TTC29: variants seen among roughly 807,000 people sequenced by gnomAD.
TTC29 encodes the protein tetratricopeptide repeat domain 29.
A neutral mutation model predicts 58.1 loss-of-function variants in TTC29; 49 were observed. The observed-to-expected ratio is 0.84, with a 90% CI of 0.67 to 1.07. The LOEUF is 1.07. Ranked by LOEUF, TTC29 falls within the 50% of genes least tolerant of loss-of-function variation. TTC29 has a pLI of 0.00. For missense variants in TTC29, 582 were observed against 555.6 expected (o/e 1.05, Z -0.48); for synonymous variants, 209 against 196.8 (o/e 1.06, Z -0.52).
At chr4:146,773,889 C>T (rs559312384) in intron 11 of TTC29, among the ~76,000 whole-genome samples, 1 of 151,596 alleles carries the variant, frequency 6.6e-6, no homozygotes, top group East Asian at 1.9e-4. Flanking sequence ...TCTTCTTATT[C>T]ATAGGCTTTT....
rs186365264 is a variant in TTC29, at chr4:146,837,512, A to G, written c.886-3615T>C. ...GAACTTAAAAGTTTTTTAAAAAGAT[A>G]CAGATGTTTTATACTGTTTTATAGT... On this transcript the variant is annotated intron_variant, in intron 8 of 12. Coordinates refer to ENST00000325106, the MANE Select transcript of TTC29 (RefSeq NM_031956.4). Among the ~76,000 whole-genome samples, 4 of 152,260 alleles carry G rather than the reference A, an allele frequency of 2.6e-5. No individual in the cohort carries two copies. The East Asian group carries it at 7.7e-4, about 29-fold the overall frequency.
chr4:146,747,395 A>G (rs1745627677), intron 11 of TTC29, among the ~76,000 whole-genome samples: 1 of 152,162 alleles, frequency 6.6e-6, no homozygotes, highest in Non-Finnish European at 1.5e-5. Context: ...GTAGCATGCC[A>G]TCCTCAATCA....
intron 11 of TTC29, among the ~76,000 whole-genome samples, chr4:146,778,829 AG>A (rs1748321406): frequency 6.6e-6 from 1 of 151,982 alleles, no homozygotes; most frequent in African/African-American, 2.4e-5. Flanking sequence ...AAAAGGAAGA[AG>A]GCAGTGAGGG....
intron 11 of TTC29, among the ~76,000 whole-genome samples, chr4:146,752,697 A>C (rs71616508): frequency 0.23 from 35,550 of 151,962 alleles, 4,734 homozygotes; most frequent in East Asian, 0.38. Context: ...CTGGTACCAA[A>C]ACAGAGATAT....
At chr4:146,742,922 A>C (rs1745269969) in intron 11 of TTC29, among the ~76,000 whole-genome samples, 2 of 152,098 alleles carry the variant, frequency 1.3e-5, no homozygotes, top group African/African-American at 4.8e-5. Flanking sequence ...TTTCAATGGA[A>C]ATATAAAACA....
chr4:146,902,238 G>A (rs1273243700), intron 6 of TTC29, among the ~76,000 whole-genome samples: 1 of 152,000 alleles, frequency 6.6e-6, no homozygotes, highest in Non-Finnish European at 1.5e-5. Context: ...TCCGTGTACA[G>A]AAGCTTAAGT....
chr4:146,764,937 A>G (rs1349719352), intron 11 of TTC29, among the ~76,000 whole-genome samples: 1 of 152,114 alleles, frequency 6.6e-6, no homozygotes, highest in Non-Finnish European at 1.5e-5. Flanking sequence ...GATGATCATC[A>G]GTTTGCTGAT....
At chr4:146,749,877 TG>T (rs1295043219) in intron 11 of TTC29, among the ~76,000 whole-genome samples, 1 of 152,044 alleles carries the variant, frequency 6.6e-6, no homozygotes, top group East Asian at 1.9e-4. Flanking sequence ...CAGGAGAGAA[TG>T]GGATGATATA....
At chr4:146,718,654 A>G (rs1481740955) in intron 11 of TTC29, among the ~76,000 whole-genome samples, 1 of 152,048 alleles carries the variant, frequency 6.6e-6, no homozygotes, top group Non-Finnish European at 1.5e-5. Flanking sequence ...CTTCCAATGC[A>G]TAGGTTTTCT....
At chr4:146,822,839 A>G (rs1236552355) in intron 9 of TTC29, among the ~76,000 whole-genome samples, 1 of 152,092 alleles carries the variant, frequency 6.6e-6, no homozygotes, top group African/African-American at 2.4e-5. Flanking sequence ...TTTGATTTGC[A>G]TTTCTCTGAA....
At chr4:146,880,523 T>C (rs904659786) in intron 6 of TTC29, among the ~76,000 whole-genome samples, 1 of 152,136 alleles carries the variant, frequency 6.6e-6, no homozygotes, top group Non-Finnish European at 1.5e-5. Context: ...AATAAGATTT[T>C]ATATAGTTGG....
intron 3 of TTC29, among the ~76,000 whole-genome samples, chr4:146,938,171 T>C (rs1334143946): frequency 6.6e-6 from 1 of 152,144 alleles, no homozygotes; most frequent in Non-Finnish European, 1.5e-5. Context: ...AGGTTCAAGG[T>C]GCAAAATGAT....
At chr4:146,719,511 G>A (rs1743199971) in intron 11 of TTC29, among the ~76,000 whole-genome samples, 1 of 152,114 alleles carries the variant, frequency 6.6e-6, no homozygotes. Context: ...AACCTCTTAG[G>A]CAAGTGTATA....
intron 12 of TTC29, 45 bp from the exon 13 acceptor site, chr4:146,707,233 A>C: frequency 7.8e-7 from 1 of 1,278,970 alleles, no homozygotes; most frequent in Non-Finnish European, 1.1e-6. Flanking sequence ...ACTGGGCTAG[A>C]AAGCAAAGAA....
chr4:146,801,200 G>A (rs1397635044), intron 11 of TTC29, among the ~76,000 whole-genome samples: 1 of 152,144 alleles, frequency 6.6e-6, no homozygotes, highest in Admixed American at 6.5e-5. Context: ...CAGAGATGGT[G>A]TTAAGAGTTG....
intron 8 of TTC29, among the ~76,000 whole-genome samples, chr4:146,860,393 TTAA>T (rs1730149124): frequency 2.0e-5 from 3 of 152,206 alleles, no homozygotes; most frequent in Admixed American, 2.0e-4. Context: ...TCTTCCATTG[TTAA>T]TAAATATATA....
chr4:146,900,012 C>T (rs921923410), intron 6 of TTC29, among the ~76,000 whole-genome samples: 1 of 152,176 alleles, frequency 6.6e-6, no homozygotes, highest in Non-Finnish European at 1.5e-5. Flanking sequence ...ACCACCATCG[C>T]CTCAGAGGGA....
chr4:146,712,069 G>C (rs1036352145), intron 11 of TTC29, among the ~76,000 whole-genome samples: 1 of 151,968 alleles, frequency 6.6e-6, no homozygotes, highest in Non-Finnish European at 1.5e-5. Flanking sequence ...TTCTTAATAT[G>C]ATGGTTGTAT....
chr4:146,818,755 T>A (rs935440105), intron 10 of TTC29, among the ~76,000 whole-genome samples: 56 of 152,048 alleles, frequency 3.7e-4, no homozygotes, highest in Non-Finnish European at 6.5e-4. Flanking sequence ...TATGCAGCCA[T>A]AAAAAATGAA....
Sources: allele counts gnomAD v4.1 joint callset (sites outside exome capture counted in the v4.1 genomes callset), GRCh38; gene constraint gnomAD v4.1.1; transcripts MANE v1.5; gene names NCBI Gene and HGNC (gene_info 2026-07-23, HGNC 2026-07-21).